Variants in SAE1 observed in about 807,000 individuals in gnomAD.
The protein encoded by SAE1 is SUMO-activating enzyme subunit 1.
A neutral mutation model predicts 40.6 loss-of-function variants in SAE1; 11 were observed. That is an observed-to-expected ratio of 0.27 (90% confidence interval 0.17 to 0.45). SAE1 has a LOEUF of 0.45. Ranked by LOEUF, SAE1 falls within the 20% of genes least tolerant of loss-of-function variation. SAE1 has a pLI of 1.00. For synonymous variants in SAE1, 155 were observed against 154.3 expected, an observed-to-expected ratio of 1.00 and a Z score of -0.03; for missense variants, 373 against 427.3, an observed-to-expected ratio of 0.87 and a Z score of 1.12.
intron 5 of SAE1, among the ~76,000 whole-genome samples, chr19:47,169,137 G>C (rs962895609): frequency 1.3e-5 from 2 of 151,896 alleles, no homozygotes; most frequent in Admixed American, 6.6e-5. Context: ...TTTAATTTTT[G>C]TTTTTGTTTA....
chr19:47,168,735 T>C (rs1233825062), intron 5 of SAE1, among the ~76,000 whole-genome samples: 1 of 151,844 alleles, frequency 6.6e-6, no homozygotes, highest in Non-Finnish European at 1.5e-5. Flanking sequence ...TCCCAGGTAG[T>C]TGGGATTACA....
rs551177852 is a variant in SAE1, at chr19:47,139,109, G to A, written c.99-4385G>A. 5.9e-5 allele frequency among the ~76,000 whole-genome samples: 9 copies of A among 151,572 alleles called. No individual in the cohort carries two copies. In the South Asian group the frequency reaches 8.4e-4, roughly 14 times the overall value. On this transcript the variant is annotated intron_variant, in intron 1 of 8. Coordinates refer to ENST00000270225, the MANE Select transcript of SAE1 (RefSeq NM_005500.3). ...TGGGACTACAGGCACGTGCCACCAC[G>A]CCTGGCTAATTTTTGTATTTTGAGT...
At chr19:47,208,085 G>A (rs1314150798) in intron 8 of SAE1, among the ~76,000 whole-genome samples, 4 of 152,150 alleles carry the variant, frequency 2.6e-5, no homozygotes, top group Non-Finnish European at 5.9e-5. Context: ...AATAGCCCCC[G>A]CTTCTGCATC....
At chr19:47,143,433 C>A in intron 1 of SAE1, 61 bp from the exon 2 acceptor site, 2 of 1,366,676 alleles carry the variant, frequency 1.5e-6, no homozygotes, top group Non-Finnish European at 2.1e-6. Flanking sequence ...ATTTTTTGTT[C>A]TTCTGTGATT....
At chr19:47,204,954 T>C (rs1458770427) in intron 8 of SAE1, among the ~76,000 whole-genome samples, 1 of 152,180 alleles carries the variant, frequency 6.6e-6, no homozygotes, top group East Asian at 1.9e-4. Context: ...AAGCATCTTA[T>C]ACAGGGTCAC....
intron 1 of SAE1, among the ~76,000 whole-genome samples, chr19:47,137,979 T>C (rs2058192638): frequency 6.6e-6 from 1 of 152,128 alleles, no homozygotes; most frequent in Admixed American, 6.6e-5. Context: ...TCTGCCCACC[T>C]CGGCCTCCCA....
chr19:47,198,229 C>T (rs1023744240), intron 7 of SAE1, among the ~76,000 whole-genome samples: 1 of 152,096 alleles, frequency 6.6e-6, no homozygotes, highest in Non-Finnish European at 1.5e-5. Flanking sequence ...CCTAACTCAG[C>T]CTTTTGAGTA....
intron 6 of SAE1, among the ~76,000 whole-genome samples, chr19:47,171,262 C>T (rs531528586): frequency 7.9e-5 from 12 of 151,030 alleles, no homozygotes; most frequent in Non-Finnish European, 1.8e-4. Flanking sequence ...TGTGAGCCAC[C>T]GCGCCTGGCA....
rs1295615510 is a variant in SAE1, at chr19:47,203,667, T to C, written c.879-4T>C. On this transcript the variant is annotated splice_polypyrimidine_tract_variant and splice_region_variant and intron_variant, in intron 7 of 8. Coordinates refer to ENST00000270225, the MANE Select transcript of SAE1 (RefSeq NM_005500.3). ...TCCATTTTCCTTGTCTTCCTCTCTTTTAGGTACTGCTTCTCCGAGATGGCC... is the reference window on the plus strand; with the variant it reads ...TCCATTTTCCTTGTCTTCCTCTCTTCTAGGTACTGCTTCTCCGAGATGGCC... 3 of 1,613,830 alleles carry C rather than the reference T, an allele frequency of 1.9e-6. No individual in the cohort carries two copies. The highest frequency in any genetic ancestry group is 2.7e-5 in the African/African-American group (2 of 74,902).
intron 2 of SAE1, 86 bp downstream of exon 2, chr19:47,143,691 G>T: frequency 1.1e-6 from 1 of 943,070 alleles, no homozygotes; most frequent in Non-Finnish European, 1.7e-6. Flanking sequence ...TCCTCCTTGT[G>T]CCTTAAGGGC....
At position 47,150,327 on chromosome 19, in the gene SAE1, T is replaced by C; in HGVS notation, c.336T>C (p.Thr112=). The C allele has an allele frequency of 3.1e-6, 5 of 1,613,214 alleles. No individual in the cohort carries two copies. Among genetic ancestry groups the C allele is most frequent in the Non-Finnish European group, 3.4e-6 (4 of 1,179,656 alleles). The change falls in exon 3 of 9, where the codon ACT becomes ACC. Residue 112 remains threonine (T), a synonymous_variant. Transcript: ENST00000270225. ...LNPMVDVKVD[T]EDIEKKPESF... is the part of the protein sequence containing the mutation. ...CCATGGTGGATGTGAAGGTGGACAC[T>C]GAGGATATAGAGAAGAAACCAGAGT...
At chr19:47,176,666 C>T (rs1275966265) in intron 6 of SAE1, among the ~76,000 whole-genome samples, 1 of 152,064 alleles carries the variant, frequency 6.6e-6, no homozygotes, top group Admixed American at 6.6e-5. Flanking sequence ...TTTTATTGCC[C>T]CATTCACAAT....
At chr19:47,138,160 C>T (rs1420352476) in intron 1 of SAE1, among the ~76,000 whole-genome samples, 1 of 152,142 alleles carries the variant, frequency 6.6e-6, no homozygotes, top group Non-Finnish European at 1.5e-5. Flanking sequence ...TCTCCTGCCT[C>T]AGCCTCCTAA....
intron 4 of SAE1, among the ~76,000 whole-genome samples, chr19:47,154,071 G>C (rs2058304965): frequency 1.4e-5 from 2 of 146,452 alleles, no homozygotes; most frequent in Non-Finnish European, 1.5e-5. Flanking sequence ...GATTACACAG[G>C]CGTGAGCCAC....
intron 8 of SAE1, among the ~76,000 whole-genome samples, chr19:47,205,473 T>C (rs2058681493): frequency 6.6e-6 from 1 of 152,160 alleles, no homozygotes; most frequent in Non-Finnish European, 1.5e-5. Context: ...CTTTCCTTGC[T>C]CACATTTTAT....
At chr19:47,204,503 C>G (rs1187951916) in intron 8 of SAE1, among the ~76,000 whole-genome samples, 2 of 139,810 alleles carry the variant, frequency 1.4e-5, no homozygotes, top group African/African-American at 2.7e-5. Flanking sequence ...CAGCCGCACC[C>G]CCCCCCTTTT....
At chr19:47,206,337 G>C (rs1032627589) in intron 8 of SAE1, among the ~76,000 whole-genome samples, 4 of 152,144 alleles carry the variant, frequency 2.6e-5, no homozygotes, top group Non-Finnish European at 5.9e-5. Flanking sequence ...CTTATTACTG[G>C]TCAGCCTTCA....
chr19:47,188,578 G>A (rs1386175275), intron 6 of SAE1, among the ~76,000 whole-genome samples: 1 of 152,196 alleles, frequency 6.6e-6, no homozygotes, highest in East Asian at 1.9e-4. Context: ...TCTGGACTTT[G>A]CTTAAGAGCA....
At chr19:47,188,785 A>G (rs2058560403) in intron 6 of SAE1, among the ~76,000 whole-genome samples, 2 of 152,184 alleles carry the variant, frequency 1.3e-5, no homozygotes, top group Non-Finnish European at 2.9e-5. Flanking sequence ...GCTGCCCTCC[A>G]GTTGGAAAGC....
Sources: allele counts gnomAD v4.1 joint callset (sites outside exome capture counted in the v4.1 genomes callset), GRCh38; gene constraint gnomAD v4.1.1; transcripts MANE v1.5; gene names NCBI Gene and HGNC (gene_info 2026-07-23, HGNC 2026-07-21).